PHPT1: variants seen among roughly 807,000 people sequenced by gnomAD.
The protein encoded by PHPT1 is 14 kDa phosphohistidine phosphatase.
In PHPT1, 16 loss-of-function variants were observed where a neutral mutation model predicts 15.6. That is an observed-to-expected ratio of 1.03 (90% CI 0.70 to 1.56). PHPT1 has a LOEUF of 1.56. Among genes scored for constraint, PHPT1 ranks in the 40% most tolerant of loss-of-function variants. PHPT1 has a pLI of 0.00. For synonymous variants in PHPT1, 102 were observed against 68.1 expected, an observed-to-expected ratio of 1.50 and a Z score of -2.45; for missense variants, 228 against 171.0, an observed-to-expected ratio of 1.33 and a Z score of -1.86.
In PHPT1 at chr9:136,850,824, ACCTGGG is replaced by A; in HGVS notation, c.357_362del (p.Trp120_Ala121del). 2.5e-6 allele frequency: 4 copies of A among 1,612,940 alleles called. No homozygotes were observed. The highest frequency in any genetic ancestry group is 2.5e-6 in the Non-Finnish European group (3 of 1,179,808). On this transcript the variant is annotated inframe_deletion, in exon 3 of 3. Coordinates refer to ENST00000247665, the MANE Select transcript of PHPT1 (RefSeq NM_014172.6). ...AGCCAAGTACCCCGACTACGAGGTC[ACCTGGG>A]CTAACGACGGCTACTGAGCACTCCC...
chr9:136,850,729 G>C lies in PHPT1; in HGVS notation c.286-26G>C, dbSNP rs200654924. ...TATCGGGTTGAAGGGTCCAGGTAGT[G>C]CCAGCAGGCGTCTTCTCTTCTCCAG... On this transcript the variant is annotated intron_variant, in intron 2 of 2. Transcript: ENST00000247665. 3 of 1,591,396 alleles carry C rather than the reference G, an allele frequency of 1.9e-6. No individual in the cohort carries two copies. The African/African-American group carries it at 4.0e-5, about 21-fold the overall frequency.
In PHPT1 at chr9:136,849,421, G is replaced by C; in HGVS notation, c.-10G>C. On this transcript the variant is annotated 5_prime_UTR_variant, in exon 1 of 3. Coordinates refer to ENST00000247665, the MANE Select transcript of PHPT1 (RefSeq NM_014172.6). ...GTCGGGTGGGAGGAGGGGACTCCGG[G>C]AGGAGGAACATGGCGGTGGCGGACC... 1 of 1,589,434 alleles carries C rather than the reference G, an allele frequency of 6.3e-7. No homozygotes were observed.
chr9:136,849,412 G>GGACTCCGGGAGGAGGA lies in PHPT1; in HGVS notation c.-18_-3dup, dbSNP rs1564381336. The GGACTCCGGGAGGAGGA allele has an allele frequency of 3.2e-5, 51 of 1,585,432 alleles. No homozygotes were observed. Among genetic ancestry groups the GGACTCCGGGAGGAGGA allele is most frequent in the Non-Finnish European group, 4.3e-5 (50 of 1,165,134 alleles). On this transcript the variant is annotated 5_prime_UTR_variant, in exon 1 of 3. Transcript: ENST00000247665. ...GGCCCCCGGGTCGGGTGGGAGGAGG[G>GGACTCCGGGAGGAGGA]GACTCCGGGAGGAGGAACATGGCGG...
At chr9:136,850,300 T>G in intron 2 of PHPT1, 163 bp downstream of exon 2, 1 of 941,134 alleles carries the variant, frequency 1.1e-6, no homozygotes, top group Non-Finnish European at 1.6e-6. Context: ...ATTGTGTTCC[T>G]GCATTCCCCC....
chr9:136,850,792 A>G lies in PHPT1; in HGVS notation c.323A>G (p.Lys108Arg), dbSNP rs1564382889. ...GPAQHAISTE[K>R]IKAKYPDYEV... The stretch of plus-strand genomic sequence containing the variant: ...GCCCAGCACGCCATTTCAACTGAGA[A>G]AATCAAAGCCAAGTACCCCGACTAC... Residue 108 changes from lysine to arginine, a missense_variant, in exon 3 of 3, where the codon AAA (lysine) becomes AGA (arginine). Transcript: ENST00000247665. 2 of 1,613,126 alleles carry G rather than the reference A, an allele frequency of 1.2e-6. No individual in the cohort carries two copies. Among genetic ancestry groups the G allele is most frequent in the Admixed American group, 1.7e-5 (1 of 60,010 alleles).
At chr9:136,849,784 G>T in intron 1 of PHPT1, 194 bp downstream of exon 1, 1 of 725,054 alleles carries the variant, frequency 1.4e-6, no homozygotes, top group Non-Finnish European at 2.2e-6. Flanking sequence ...TCCTGGGCGG[G>T]AAGGGCGTGA....
chr9:136,849,861 C>T, intron 1 of PHPT1, 152 bp from the exon 2 acceptor site: 1 of 865,726 alleles, frequency 1.2e-6, no homozygotes, highest in Non-Finnish European at 1.8e-6. Context: ...CCCTCCTTCG[C>T]TCATTCATCC....
In PHPT1 at chr9:136,850,770, C is replaced by G. The variant is rs984090533; in HGVS notation, c.301C>G (p.Gln101Glu). 1 of 1,613,032 alleles carries G rather than the reference C, an allele frequency of 6.2e-7. No homozygotes were observed. Among genetic ancestry groups the G allele is most frequent in the Non-Finnish European group, 8.5e-7 (1 of 1,179,846 alleles). Reference sequence around the variant, plus strand: ...TCTTCTCCAGGCCTATGGTCCTGCCCAGCACGCCATTTCAACTGAGAAAAT... The same window carrying G: ...TCTTCTCCAGGCCTATGGTCCTGCCGAGCACGCCATTTCAACTGAGAAAAT... ...YGYSMAYGPA[Q>E]HAISTEKIKA... The change falls in exon 3 of 3, where the codon CAG becomes GAG. Residue 101 changes from glutamine to glutamate, a missense_variant. Coordinates refer to ENST00000247665, the MANE Select transcript of PHPT1 (RefSeq NM_014172.6).
At position 136,850,091 on chromosome 9, in the gene PHPT1, C is replaced by T. The variant is rs1848868882; in HGVS notation, c.239C>T (p.Ser80Phe). Residue 80 changes from serine (S) to phenylalanine (F), a missense_variant, in exon 2 of 3, where the codon TCC (serine) becomes TTC (phenylalanine). Coordinates refer to ENST00000247665, the MANE Select transcript of PHPT1 (RefSeq NM_014172.6). ...DCECLGGGRI[S>F]HQSQDKKIHV... Reference sequence around the variant, plus strand: ...GAGTGTCTGGGCGGCGGGCGCATCTCCCACCAGAGTCAGGACAAGAAGATT... The same window carrying T: ...GAGTGTCTGGGCGGCGGGCGCATCTTCCACCAGAGTCAGGACAAGAAGATT... 13 of 1,613,204 alleles carry T rather than the reference C, an allele frequency of 8.1e-6. No homozygotes were observed. The highest frequency in any genetic ancestry group is 1.1e-5 in the Non-Finnish European group (13 of 1,179,904).
rs8666 is a variant in PHPT1, at chr9:136,850,072, C to T, written c.220C>T (p.Leu74=). 0.036 allele frequency: 58,181 copies of T among 1,613,188 alleles called. 1,679 individuals are homozygous for T. The highest frequency in any genetic ancestry group is 0.12 in the South Asian group (11,168 of 91,080). Residue 74 remains leucine (L), a synonymous_variant, in exon 2 of 3, where the codon CTG becomes TTG. Coordinates refer to ENST00000247665, the MANE Select transcript of PHPT1 (RefSeq NM_014172.6). ...MQKQGCDCEC[L]GGGRISHQSQ... Reference sequence around the variant, plus strand: ...GAAGCAAGGCTGCGACTGTGAGTGTCTGGGCGGCGGGCGCATCTCCCACCA... The same window carrying T: ...GAAGCAAGGCTGCGACTGTGAGTGTTTGGGCGGCGGGCGCATCTCCCACCA...
Position 136,850,045 on chromosome 9 carries a change from C to G in PHPT1, c.193C>G (p.Gln65Glu). The change falls in exon 2 of 3, where the codon CAG becomes GAG. Residue 65 changes from glutamine (Q) to glutamate (E), a missense_variant. Physicochemically the swap from Gln to Glu is conservative, Grantham distance 29. Coordinates refer to ENST00000247665, the MANE Select transcript of PHPT1 (RefSeq NM_014172.6). ...CTACGACAAAGTGTCGGGCGACATG[C>G]AGAAGCAAGGCTGCGACTGTGAGTG... ...DIYDKVSGDM[Q>E]KQGCDCECLG... is the part of the protein sequence containing the mutation. 1 of 1,613,048 alleles carries G rather than the reference C, an allele frequency of 6.2e-7. No homozygotes were observed. The highest frequency in any genetic ancestry group is 1.7e-5 in the Admixed American group (1 of 60,014).
chr9:136,849,969 C>T (rs1484254971), intron 1 of PHPT1, 44 bp from the exon 2 acceptor site: 2 of 1,586,222 alleles, frequency 1.3e-6, no homozygotes, highest in Admixed American at 3.4e-5. Context: ...CCGCGGCCTC[C>T]AAGGGCGGCC....
chr9:136,849,554 G>A lies in PHPT1; in HGVS notation c.124G>A (p.Glu42Lys), dbSNP rs372323529. The A allele has an allele frequency of 1.3e-5, 21 of 1,608,130 alleles. No homozygotes were observed. The highest frequency in any genetic ancestry group is 1.7e-5 in the Non-Finnish European group (20 of 1,178,610). Residue 42 changes from glutamate to lysine, a missense_variant, in exon 1 of 3, where the codon GAG becomes AAG. Physicochemically the swap from Glu to Lys is moderately conservative, Grantham distance 56. Transcript: ENST00000247665. ...RSGAPAAESK[E>K]IVRGYKWAEY... ...CGGGGCTCCGGCTGCAGAGAGCAAG[G>A]AGATCGTGCGCGGCTACAAGTGGGC...
intron 2 of PHPT1, 37 bp downstream of exon 2, chr9:136,850,174 C>A: frequency 6.2e-7 from 1 of 1,612,490 alleles, no homozygotes; most frequent in Non-Finnish European, 8.5e-7. Flanking sequence ...CCGGAGGCCC[C>A]AGTACCAGCT....
chr9:136,850,734 C>G (rs746607128), intron 2 of PHPT1, 21 bp from the exon 3 acceptor site: 2 of 1,596,748 alleles, frequency 1.3e-6, no homozygotes, highest in Admixed American at 3.3e-5. Flanking sequence ...GTAGTGCCAG[C>G]AGGCGTCTTC....
At position 136,849,944 on chromosome 9, in the gene PHPT1, G is replaced by A. The variant is rs542041945; in HGVS notation, c.161-69G>A. On this transcript the variant is annotated intron_variant, in intron 1 of 2. Coordinates refer to ENST00000247665, the MANE Select transcript of PHPT1 (RefSeq NM_014172.6). ...CAGAGCTGGGATTTCAGACCCCTTC[G>A]GCTGGGAGTTCCTCCCGCGGCCTCC... 1.1e-5 allele frequency: 17 copies of A among 1,522,140 alleles called. No individual in the cohort carries two copies. The East Asian group carries it at 3.2e-4, about 28-fold the overall frequency. 94.3% of individuals were successfully genotyped at this position (1,522,140 alleles called of 1,614,324 possible). A position where few individuals can be genotyped will look rare whatever the true frequency, so the allele number is the denominator to read the frequency against.
At chr9:136,849,657 G>C (rs138320972) in intron 1 of PHPT1, 67 bp downstream of exon 1, 15 of 1,185,396 alleles carry the variant, frequency 1.3e-5, no homozygotes, top group Non-Finnish European at 1.7e-5. Context: ...CTGGCGGGAC[G>C]GAGACGGGGC....
intron 2 of PHPT1, 140 bp downstream of exon 2, chr9:136,850,277 C>G: frequency 9.3e-7 from 1 of 1,073,186 alleles, no homozygotes; most frequent in East Asian, 2.6e-5. Context: ...GCAGAGCCCT[C>G]CCTCCAGGGC....
intron 2 of PHPT1, 164 bp from the exon 3 acceptor site, chr9:136,850,591 C>T: frequency 8.1e-6 from 13 of 1,603,176 alleles, no homozygotes; most frequent in Non-Finnish European, 8.5e-6. Flanking sequence ...CGCCTCTCCC[C>T]AGGGGAGCCC....
Sources: gnomAD v4.1 joint callset for allele counts on GRCh38, gnomAD v4.1.1 for gene constraint, MANE v1.5 for transcripts, NCBI Gene and HGNC (gene_info 2026-07-23, HGNC 2026-07-21) for gene names.